Variants in CCDC158 observed in about 807,000 individuals in gnomAD.
The protein encoded by CCDC158 is coiled-coil domain containing 158, also known as coiled-coil domain-containing protein 158.
In CCDC158, 116 loss-of-function variants were observed where a neutral mutation model predicts 138.6. The ratio of observed to expected loss-of-function variants is 0.84; its 90% CI spans 0.72 to 0.98. The LOEUF is 0.98. CCDC158 is among the 50% of genes least tolerant of loss of function. The probability of loss-of-function intolerance (pLI) is 0.00; values close to 1 mark genes in which losing one functional copy is unlikely to be tolerated. For synonymous variants in CCDC158, 436 were observed against 442.4 expected (o/e 0.99, Z 0.18); for missense variants, 1,265 against 1,306.1 (o/e 0.97, Z 0.48).
At chr4:76,392,308 A>T (rs1200362990) in intron 4 of CCDC158, among the ~76,000 whole-genome samples, 2 of 152,064 alleles carry the variant, frequency 1.3e-5, no homozygotes, top group Middle Eastern at 3.2e-3. Context: ...GGATGCAAGG[A>T]TGGTTAAACA....
At chr4:76,330,370 C>A (rs1321428293) in intron 21 of CCDC158, among the ~76,000 whole-genome samples, 1 of 151,986 alleles carries the variant, frequency 6.6e-6, no homozygotes, top group Non-Finnish European at 1.5e-5. Flanking sequence ...AAGTCTAAAT[C>A]AACTGGAAAA....
Position 76,408,008 on chromosome 4 carries a change from G to C in CCDC158, c.-74+4082C>G, listed in dbSNP as rs192291793. On this transcript the variant is annotated intron_variant, in intron 2 of 24. Coordinates refer to ENST00000682701, the MANE Select transcript of CCDC158 (RefSeq NM_001394954.1). ...GAATTTTTTTCTTAGAAAATTAGTA[G>C]TTTACAGAAGACAGCATAGGTTTAT... Among the ~76,000 whole-genome samples the C allele has an allele frequency of 2.1e-3, 314 of 152,020 alleles. 1 individual carries two copies. Among genetic ancestry groups the C allele is most frequent in the African/African-American group, 6.9e-3 (288 of 41,496 alleles).
intron 18 of CCDC158, among the ~76,000 whole-genome samples, chr4:76,337,909 A>T (rs1029361432): frequency 2.0e-5 from 3 of 152,118 alleles, no homozygotes; most frequent in Admixed American, 6.5e-5. Context: ...AGGGTCCCCA[A>T]ACCCTGGACC....
chr4:76,355,441 A>G lies in CCDC158; in HGVS notation c.2174-5T>C. On this transcript the variant is annotated splice_polypyrimidine_tract_variant and splice_region_variant and intron_variant, in intron 14 of 24. Coordinates refer to ENST00000682701, the MANE Select transcript of CCDC158 (RefSeq NM_001394954.1). Reference sequence around the variant, plus strand: ...TCCCCATTGCCACTTTCATAGCTGGAAAAAAAAAAGAGGCAAACTATGCCT... The same window carrying G: ...TCCCCATTGCCACTTTCATAGCTGGGAAAAAAAAAGAGGCAAACTATGCCT... 2 of 1,359,118 alleles carry G rather than the reference A, an allele frequency of 1.5e-6. No individual in the cohort carries two copies. The highest frequency in any genetic ancestry group is 1.3e-5 in the South Asian group (1 of 76,788). The allele number at this position is 1,359,118 out of a possible 1,614,324, so 84.2% of individuals were successfully genotyped here.
At chr4:76,371,639 A>G in intron 9 of CCDC158, 103 bp from the exon 10 acceptor site, 8 of 1,432,828 alleles carry the variant, frequency 5.6e-6, no homozygotes, top group Non-Finnish European at 7.6e-6. Context: ...GAGAACAAAA[A>G]TAAAAGTTCG....
chr4:76,320,135 C>T (rs551473937), intron 24 of CCDC158, among the ~76,000 whole-genome samples: 3 of 152,174 alleles, frequency 2.0e-5, no homozygotes, highest in Non-Finnish European at 2.9e-5. Flanking sequence ...AGTACCATTG[C>T]TACACACCAA....
In CCDC158 at chr4:76,371,438, A is replaced by G. The variant is rs771057011; in HGVS notation, c.1128T>C (p.Asp376=). ...TTACCAACAGCTTTTGAAGTTGATC[A>G]TCTAAATTTCCAGATTCCTGACTGA... ...DQFSQESGNL[D]DQLQKLLADL... is the part of the protein sequence containing the mutation. Residue 376 remains aspartate (D), a synonymous_variant, in exon 10 of 25, where the codon GAT becomes GAC. Transcript: ENST00000682701. 2.5e-6 allele frequency: 4 copies of G among 1,614,134 alleles called. No individual in the cohort carries two copies. The highest frequency in any genetic ancestry group is 1.1e-5 in the South Asian group (1 of 91,076).
Position 76,345,091 on chromosome 4 carries a change from T to C in CCDC158, c.2664+5905A>G, listed in dbSNP as rs1022847938. ...ACAAAATGACCAGATCTCATAAAAA[T>C]TGTTGCCGATGTCTATATCCACACT... On this transcript the variant is annotated intron_variant, in intron 18 of 24. Coordinates refer to ENST00000682701, the MANE Select transcript of CCDC158 (RefSeq NM_001394954.1). The C allele has an allele frequency of 2.2e-5, 28 of 1,280,370 alleles. No homozygotes were observed. The Admixed American group carries it at 4.2e-4, about 19-fold the overall frequency. The allele number at this position is 1,280,370 out of a possible 1,614,324, so 79.3% of individuals were successfully genotyped here.
At chr4:76,354,093 T>C (rs1723302443) in intron 15 of CCDC158, among the ~76,000 whole-genome samples, 1 of 151,952 alleles carries the variant, frequency 6.6e-6, no homozygotes, top group African/African-American at 2.4e-5. Context: ...TTTCTCCTTT[T>C]TGTTTGGAGG....
chr4:76,331,080 A>AGAG (rs1720963724), intron 21 of CCDC158, among the ~76,000 whole-genome samples: 1 of 152,178 alleles, frequency 6.6e-6, no homozygotes, highest in East Asian at 1.9e-4. Flanking sequence ...CATAATTGTT[A>AGAG]ATATATATAG....
chr4:76,350,696 A>G (rs907993142), intron 18 of CCDC158, among the ~76,000 whole-genome samples: 6 of 152,168 alleles, frequency 3.9e-5, no homozygotes, highest in African/African-American at 1.4e-4. Context: ...TATACCACCA[A>G]CTTGCCTTTG....
intron 4 of CCDC158, among the ~76,000 whole-genome samples, chr4:76,392,592 C>A (rs1210393625): frequency 6.6e-6 from 1 of 151,884 alleles, no homozygotes; most frequent in Non-Finnish European, 1.5e-5. Flanking sequence ...ACAAAGATAC[C>A]CACTTTCACC....
At position 76,367,546 on chromosome 4, in the gene CCDC158, C is replaced by T. The variant is rs766044071; in HGVS notation, c.1578G>A (p.Val526=). Residue 526 remains valine, a synonymous_variant, in exon 12 of 25, where the codon GTG becomes GTA. Transcript: ENST00000682701. ...NAEITKLRSR[V]DLKLQELQHL... is the part of the protein sequence containing the mutation. ...GTTGCAGCTCCTGCAATTTCAAGTCCACCCGGGAGCGGAGCTTTGTGATCT... is the reference window on the plus strand; with the variant it reads ...GTTGCAGCTCCTGCAATTTCAAGTCTACCCGGGAGCGGAGCTTTGTGATCT... 2 of 1,614,138 alleles carry T rather than the reference C, an allele frequency of 1.2e-6. No individual in the cohort carries two copies. Among genetic ancestry groups the T allele is most frequent in the East Asian group, 2.2e-5 (1 of 44,886 alleles).
Position 76,355,338 on chromosome 4 carries a change from T to C in CCDC158, c.2272A>G (p.Thr758Ala), listed in dbSNP as rs748422959. The C allele has an allele frequency of 2.5e-6, 4 of 1,612,784 alleles. No homozygotes were observed. The highest frequency in any genetic ancestry group is 3.4e-6 in the Non-Finnish European group (4 of 1,178,794). The change falls in exon 15 of 25, where the codon ACA becomes GCA. Residue 758 changes from threonine (T) to alanine (A), a missense_variant. Thr to Ala is a moderately conservative substitution (Grantham distance 58, BLOSUM62 0). Coordinates refer to ENST00000682701, the MANE Select transcript of CCDC158 (RefSeq NM_001394954.1). ...SKIQFLEEAM[T>A]NANKEKHFLK... The stretch of plus-strand genomic sequence containing the variant: ...CAGCAACCCACCTTATTTGCATTTG[T>C]CATTGCCTCTTCCAAAAACTGTATC...
At chr4:76,416,527 A>T (rs1729714702) in intron 1 of CCDC158, among the ~76,000 whole-genome samples, 2 of 152,176 alleles carry the variant, frequency 1.3e-5, no homozygotes, top group South Asian at 4.2e-4. Flanking sequence ...GCCCACCCCA[A>T]CACAGGCCCA....
chr4:76,405,126 A>G (rs1728715560), intron 2 of CCDC158, among the ~76,000 whole-genome samples: 1 of 152,218 alleles, frequency 6.6e-6, no homozygotes, highest in African/African-American at 2.4e-5. Context: ...AGATAATGAA[A>G]AAATCCTCAG....
At chr4:76,345,452 A>G in intron 18 of CCDC158, 1 of 934,292 alleles carries the variant, frequency 1.1e-6, no homozygotes. Flanking sequence ...CTGCAAAAGA[A>G]GAACTGATAA....
chr4:76,400,844 A>G (rs1728307497), intron 3 of CCDC158, among the ~76,000 whole-genome samples: 1 of 152,204 alleles, frequency 6.6e-6, no homozygotes, highest in Non-Finnish European at 1.5e-5. Flanking sequence ...GTAAGAGTGC[A>G]AGAGAATAAT....
At chr4:76,384,788 C>T in intron 4 of CCDC158, 123 bp from the exon 5 acceptor site, 1 of 659,876 alleles carries the variant, frequency 1.5e-6, no homozygotes, top group Non-Finnish European at 2.6e-6. Flanking sequence ...TCCCTCACTG[C>T]TGCAGTTCAA....
Sources: gnomAD v4.1 joint callset for allele counts (sites outside exome capture counted in the v4.1 genomes callset) on GRCh38, gnomAD v4.1.1 for gene constraint, MANE v1.5 for transcripts, NCBI Gene and HGNC (gene_info 2026-07-23, HGNC 2026-07-21) for gene names.